The following FNIP2 variants were observed in gnomAD, a reference collection of about 807,000 sequenced individuals.
FNIP2 encodes folliculin interacting protein 2.
In FNIP2, 32 loss-of-function variants were observed where a neutral mutation model predicts 108.7. The ratio of observed to expected loss-of-function variants is 0.29; its 90% CI spans 0.22 to 0.40. The LOEUF (loss-of-function observed/expected upper bound fraction) is 0.40, where lower values mean the gene tolerates loss of function less well. Among genes scored for constraint, FNIP2 ranks in the 10% least tolerant of loss-of-function variants. The pLI is 1.00. For missense variants in FNIP2, 1,202 were observed against 1,381.6 expected (o/e 0.87, Z 2.06); for synonymous variants, 480 against 496.7 (o/e 0.97, Z 0.45).
chr4:158,835,393 C>A lies in FNIP2; in HGVS notation c.656-12C>A. Reference sequence around the variant, plus strand: ...AGCCCAATAACATGGTTTTCTTGTTCCTTTATCTTAGCACACAGCACACCA... The same window carrying A: ...AGCCCAATAACATGGTTTTCTTGTTACTTTATCTTAGCACACAGCACACCA... On this transcript the variant is annotated splice_polypyrimidine_tract_variant and intron_variant, in intron 6 of 16. Coordinates refer to ENST00000264433, the MANE Select transcript of FNIP2 (RefSeq NM_020840.3). 3 of 1,610,788 alleles carry A rather than the reference C, an allele frequency of 1.9e-6. No homozygotes were observed. Among genetic ancestry groups the A allele is most frequent in the South Asian group, 1.1e-5 (1 of 90,912 alleles).
intron 16 of FNIP2, among the ~76,000 whole-genome samples, chr4:158,896,691 ATTATTCTTACATACT>A (rs1438977502): frequency 6.6e-6 from 1 of 151,222 alleles, no homozygotes; most frequent in Non-Finnish European, 1.5e-5. Flanking sequence ...CCTGTCATAG[ATTATTCTTACATACT>A]TTATTTACAA....
intron 16 of FNIP2, among the ~76,000 whole-genome samples, chr4:158,901,870 C>G (rs540609995): frequency 2.0e-5 from 3 of 151,798 alleles, no homozygotes; most frequent in Admixed American, 6.6e-5. Flanking sequence ...GCTAGTTATT[C>G]TAGTTAGCAA....
At position 158,826,590 on chromosome 4, in the gene FNIP2, A is replaced by AT. The variant is rs1048149957; in HGVS notation, c.234+556dup. On this transcript the variant is annotated intron_variant, in intron 2 of 16. Coordinates refer to ENST00000264433, the MANE Select transcript of FNIP2 (RefSeq NM_020840.3). ...CCAGGGGAGCTTTTATTTATTTCCCATTTTTTTTGTGGAGAGTTGGGTGGT... is the reference window on the plus strand; with the variant it reads ...CCAGGGGAGCTTTTATTTATTTCCCATTTTTTTTTGTGGAGAGTTGGGTGGT... 1.2e-4 allele frequency among the ~76,000 whole-genome samples: 18 copies of AT among 151,810 alleles called. No homozygotes were observed. The South Asian group carries it at 2.1e-3, about 18-fold the overall frequency.
At chr4:158,836,748 G>A (rs1241619857) in intron 7 of FNIP2, 1 of 149,354 alleles carries the variant, frequency 6.7e-6, no homozygotes, top group East Asian at 2.0e-4. Flanking sequence ...CCTGGGAGGC[G>A]GAGGTTGCAG....
At chr4:158,823,329 G>A (rs1346366253) in intron 1 of FNIP2, among the ~76,000 whole-genome samples, 7 of 152,166 alleles carry the variant, frequency 4.6e-5, no homozygotes, top group South Asian at 2.1e-4. Context: ...GCAGTGGTGC[G>A]ATCTCGGCTC....
chr4:158,867,990 G>C, intron 12 of FNIP2, 112 bp from the exon 13 acceptor site: 1 of 1,389,510 alleles, frequency 7.2e-7, no homozygotes, highest in Non-Finnish European at 9.8e-7. Flanking sequence ...GTCTGAAGCA[G>C]GGACTCCAGA....
At chr4:158,861,207 C>G (rs1457272242) in intron 10 of FNIP2, 135 bp from the exon 11 acceptor site, 4 of 1,065,666 alleles carry the variant, frequency 3.8e-6, no homozygotes, top group Admixed American at 2.9e-5. Context: ...GTGTGCAACC[C>G]CTGTTATGTG....
chr4:158,772,548 T>C (rs1438410318), intron 1 of FNIP2, among the ~76,000 whole-genome samples: 2 of 152,218 alleles, frequency 1.3e-5, no homozygotes, highest in Non-Finnish European at 2.9e-5. Flanking sequence ...ATATATTATC[T>C]GGGATATGAA....
At chr4:158,825,470 A>G (rs913793784) in intron 1 of FNIP2, among the ~76,000 whole-genome samples, 1 of 152,182 alleles carries the variant, frequency 6.6e-6, no homozygotes, top group Admixed American at 6.5e-5. Context: ...GGTGAGGGAA[A>G]GAAGAGAAGG....
In FNIP2 at chr4:158,899,237, G is replaced by A. The variant is rs1028293378; in HGVS notation, c.3266+3372G>A. Among the ~76,000 whole-genome samples, 4 of 152,136 alleles carry A rather than the reference G, an allele frequency of 2.6e-5. No homozygotes were observed. In the South Asian group the frequency reaches 6.2e-4, roughly 24 times the overall value. ...TGGATAAGCTTTTTGATGTGCTGCT[G>A]GATTCAGTTTGCCAGTGTTTTATTG... On this transcript the variant is annotated intron_variant, in intron 16 of 16. Coordinates refer to ENST00000264433, the MANE Select transcript of FNIP2 (RefSeq NM_020840.3).
Position 158,835,490 on chromosome 4 carries a change from G to A in FNIP2, c.727+14G>A. 6.2e-7 allele frequency: 1 copy of A among 1,608,694 alleles called. No homozygotes were observed. The highest frequency in any genetic ancestry group is 8.5e-7 in the Non-Finnish European group (1 of 1,176,192). On this transcript the variant is annotated intron_variant, in intron 7 of 16. Transcript: ENST00000264433. ...TTGCTCGATCAGGTACTTGTACTCTGTTTATTGGTTTAACTAACAGAGTGA... is the reference window on the plus strand; with the variant it reads ...TTGCTCGATCAGGTACTTGTACTCTATTTATTGGTTTAACTAACAGAGTGA...
intron 16 of FNIP2, among the ~76,000 whole-genome samples, chr4:158,896,181 C>G (rs556987444): frequency 6.6e-6 from 1 of 152,272 alleles, no homozygotes; most frequent in East Asian, 1.9e-4. Flanking sequence ...GAATAAGATG[C>G]TGAAGTCACA....
chr4:158,869,089 A>C lies in FNIP2; in HGVS notation c.2453A>C (p.Asp818Ala), dbSNP rs1321626578. 6.2e-7 allele frequency: 1 copy of C among 1,613,952 alleles called. No individual in the cohort carries two copies. Among genetic ancestry groups the C allele is most frequent in the East Asian group, 2.2e-5 (1 of 44,886 alleles). ...DIAGQLSHAA[D>A]LGTASHGAGG... is the part of the protein sequence containing the mutation. Reference sequence around the variant, plus strand: ...GCTGGGCAGCTCAGCCACGCTGCTGACTTGGGCACAGCCTCCCACGGTGCA... The same window carrying C: ...GCTGGGCAGCTCAGCCACGCTGCTGCCTTGGGCACAGCCTCCCACGGTGCA... Residue 818 changes from aspartate (D) to alanine (A), a missense_variant, in exon 13 of 17, where the codon GAC (aspartate) becomes GCC (alanine). Physicochemically the swap from Asp to Ala is moderately radical, Grantham distance 126. This residue lies in a region of FNIP2 where 878 missense variants were observed against 990.3 expected (regional missense o/e 0.89). Transcript: ENST00000264433.
At chr4:158,823,532 T>C (rs145707439) in intron 1 of FNIP2, among the ~76,000 whole-genome samples, 1,987 of 152,314 alleles carry the variant, frequency 0.013, 19 homozygotes, top group Middle Eastern at 0.037. Context: ...TGCCTCGGCC[T>C]TGTGTAATTT....
chr4:158,824,854 G>A (rs1043451019), intron 1 of FNIP2, among the ~76,000 whole-genome samples: 3 of 152,004 alleles, frequency 2.0e-5, no homozygotes, highest in South Asian at 2.1e-4. Context: ...TTCCTATGGT[G>A]CGCATCATTT....
intron 1 of FNIP2, among the ~76,000 whole-genome samples, chr4:158,812,865 GA>G (rs1777356018): frequency 6.6e-6 from 1 of 150,522 alleles, no homozygotes; most frequent in Non-Finnish European, 1.5e-5. Flanking sequence ...CACTGCCCTA[GA>G]AATCCTCTGT....
chr4:158,903,701 A>G (rs1729563061), intron 16 of FNIP2, among the ~76,000 whole-genome samples: 1 of 152,166 alleles, frequency 6.6e-6, no homozygotes, highest in Non-Finnish European at 1.5e-5. Flanking sequence ...ATTACTGGAG[A>G]AGGACTAGAA....
chr4:158,788,156 T>C (rs1776281431), intron 1 of FNIP2, among the ~76,000 whole-genome samples: 1 of 152,208 alleles, frequency 6.6e-6, no homozygotes, highest in South Asian at 2.1e-4. Flanking sequence ...ATGGTGGTGG[T>C]ATGAGATTTA....
At position 158,831,881 on chromosome 4, in the gene FNIP2, T is replaced by C. The variant is rs1778504943; in HGVS notation, c.402T>C (p.Asp134=). 14 of 1,611,608 alleles carry C rather than the reference T, an allele frequency of 8.7e-6. No individual in the cohort carries two copies. The highest frequency in any genetic ancestry group is 1.7e-5 in the Admixed American group (1 of 59,700). Residue 134 remains aspartate (D), a synonymous_variant, in exon 4 of 17, where the codon GAT becomes GAC. Transcript: ENST00000264433. ...TGTAGTACACAAGACCAGCTTCCGA[T>C]GTCAACATGTTAGGGGAAATGATGT... ...PKYQYTRPAS[D]VNMLGEMMFG... is the part of the protein sequence containing the mutation.
Sources: gnomAD v4.1 joint callset for allele counts (sites outside exome capture counted in the v4.1 genomes callset) on GRCh38, gnomAD v4.1.1 for gene constraint, gnomAD v4.1.1 regional missense constraint, MANE v1.5 for transcripts, NCBI Gene and HGNC (gene_info 2026-07-23, HGNC 2026-07-21) for gene names.